Variants in MNAT1 observed in about 807,000 individuals in gnomAD.
The protein encoded by MNAT1 is MNAT1 component of CDK activating kinase.
In MNAT1, 43 loss-of-function variants were observed where a neutral mutation model predicts 42.0. The ratio of observed to expected loss-of-function variants is 1.02; its 90% CI spans 0.80 to 1.32. The LOEUF (loss-of-function observed/expected upper bound fraction) is 1.32, where lower values mean the gene tolerates loss of function less well. Among genes scored for constraint, MNAT1 ranks in the 40% most tolerant of loss-of-function variants. MNAT1 has a pLI of 0.00. For missense variants in MNAT1, 306 were observed against 350.4 expected, an observed-to-expected ratio of 0.87 and a Z score of 1.01; for synonymous variants, 118 against 120.0, an observed-to-expected ratio of 0.98 and a Z score of 0.11.
intron 6 of MNAT1, among the ~76,000 whole-genome samples, chr14:60,877,363 A>G (rs915726957): frequency 2.0e-5 from 3 of 152,072 alleles, no homozygotes; most frequent in African/African-American, 4.8e-5. Flanking sequence ...GCTACATACT[A>G]TTGAACTTGT....
chr14:60,744,034 G>T (rs1896545969), intron 1 of MNAT1, among the ~76,000 whole-genome samples: 1 of 151,598 alleles, frequency 6.6e-6, no homozygotes, highest in African/African-American at 2.4e-5. Context: ...TTAATTTTTT[G>T]AACATATTTT....
At chr14:60,800,377 A>G (rs1271219182) in intron 3 of MNAT1, among the ~76,000 whole-genome samples, 1 of 152,040 alleles carries the variant, frequency 6.6e-6, no homozygotes, top group Non-Finnish European at 1.5e-5. Flanking sequence ...AATGAGATCT[A>G]TACCAAAATT....
chr14:60,823,721 T>C (rs1055259979), intron 6 of MNAT1, among the ~76,000 whole-genome samples: 2 of 151,982 alleles, frequency 1.3e-5, no homozygotes, highest in African/African-American at 4.8e-5. Context: ...TAGCCAGGCT[T>C]GGTGGCAGGC....
intron 6 of MNAT1, among the ~76,000 whole-genome samples, chr14:60,861,889 C>G (rs1281921247): frequency 6.6e-6 from 1 of 152,170 alleles, no homozygotes; most frequent in Non-Finnish European, 1.5e-5. Flanking sequence ...TCCTCCCTCC[C>G]ACATGATATC....
chr14:60,867,876 G>A (rs1425300296), intron 6 of MNAT1, among the ~76,000 whole-genome samples: 1 of 151,934 alleles, frequency 6.6e-6, no homozygotes, highest in Non-Finnish European at 1.5e-5. Flanking sequence ...TCTTTTTACT[G>A]TTTACTTTAC....
At position 60,915,712 on chromosome 14, in the gene MNAT1, G is replaced by T. The variant is rs563296488; in HGVS notation, c.809+35877G>T. 2.0e-5 allele frequency among the ~76,000 whole-genome samples: 3 copies of T among 152,274 alleles called. No homozygotes were observed. The South Asian group carries it at 6.2e-4, about 32-fold the overall frequency. On this transcript the variant is annotated intron_variant, in intron 7 of 7. Transcript: ENST00000261245. ...CAGTGTAGCTGCTTTGCTAATTTGT[G>T]ATGGGTTTAGCATCAGATTTTTTGG... is the stretch of plus-strand genomic sequence containing the variant.
In MNAT1 at chr14:60,768,440, A is replaced by G. The variant is rs138306548; in HGVS notation, c.90-27777A>G. Among the ~76,000 whole-genome samples the G allele has an allele frequency of 7.9e-5, 12 of 152,326 alleles. No homozygotes were observed. In the East Asian group the frequency reaches 1.3e-3, roughly 17 times the overall value. ...GTTTTGGTTTTAAATGATATGTTCTACAGAAACACAAGGACAAATTACAAA... is the reference window on the plus strand; with the variant it reads ...GTTTTGGTTTTAAATGATATGTTCTGCAGAAACACAAGGACAAATTACAAA... On this transcript the variant is annotated intron_variant, in intron 1 of 7. Transcript: ENST00000261245.
At chr14:60,808,924 T>C (rs552337147) in intron 4 of MNAT1, 17 of 152,316 alleles carry the variant, frequency 1.1e-4, no homozygotes, top group African/African-American at 3.4e-4. Flanking sequence ...TTAACTTTGG[T>C]TTCTCAATTA....
At chr14:60,918,651 CT>C (rs1286920349) in intron 7 of MNAT1, among the ~76,000 whole-genome samples, 1 of 151,214 alleles carries the variant, frequency 6.6e-6, no homozygotes, top group East Asian at 2.0e-4. Flanking sequence ...GACACACGTA[CT>C]TTTAGCAAAA....
intron 6 of MNAT1, among the ~76,000 whole-genome samples, chr14:60,861,272 A>G (rs1439452923): frequency 2.0e-5 from 3 of 152,308 alleles, no homozygotes; most frequent in South Asian, 2.1e-4. Context: ...TAATAAATGT[A>G]AAAACGTTCA....
At chr14:60,894,037 G>A (rs1331018588) in intron 7 of MNAT1, among the ~76,000 whole-genome samples, 2 of 152,130 alleles carry the variant, frequency 1.3e-5, no homozygotes, top group Non-Finnish European at 2.9e-5. Context: ...CGCAACTGAA[G>A]TTTGTCTTGT....
At chr14:60,747,824 TA>T (rs1488432398) in intron 1 of MNAT1, among the ~76,000 whole-genome samples, 1 of 152,258 alleles carries the variant, frequency 6.6e-6, no homozygotes, top group Non-Finnish European at 1.5e-5. Flanking sequence ...ATACCTAGCT[TA>T]AAACACAAAT....
chr14:60,789,334 C>G (rs2031747348), intron 1 of MNAT1, among the ~76,000 whole-genome samples: 1 of 152,050 alleles, frequency 6.6e-6, no homozygotes, highest in South Asian at 2.1e-4. Context: ...TCACTGATCA[C>G]ATAACACCAT....
chr14:60,836,463 G>A (rs896115508), intron 6 of MNAT1, among the ~76,000 whole-genome samples: 2 of 152,174 alleles, frequency 1.3e-5, no homozygotes, highest in African/African-American at 4.8e-5. Context: ...ATTCTTTTCT[G>A]TTTGTTAATT....
intron 5 of MNAT1, among the ~76,000 whole-genome samples, chr14:60,815,419 C>A (rs1434989853): frequency 1.3e-5 from 2 of 152,046 alleles, no homozygotes; most frequent in East Asian, 3.9e-4. Flanking sequence ...GTTTCACCAT[C>A]TTGGCCAGGC....
At chr14:60,854,743 G>T (rs2033913245) in intron 6 of MNAT1, among the ~76,000 whole-genome samples, 1 of 152,228 alleles carries the variant, frequency 6.6e-6, no homozygotes, top group South Asian at 2.1e-4. Context: ...GTTGACCTCT[G>T]TTGGGAGGTG....
intron 6 of MNAT1, among the ~76,000 whole-genome samples, chr14:60,863,447 G>C (rs10142977): frequency 2.2e-4 from 34 of 152,204 alleles, no homozygotes; most frequent in African/African-American, 7.7e-4. Flanking sequence ...CAGCTGATTG[G>C]CAGTAGCATC....
At chr14:60,839,883 A>G (rs1164047681) in intron 6 of MNAT1, among the ~76,000 whole-genome samples, 1 of 152,210 alleles carries the variant, frequency 6.6e-6, no homozygotes, top group Non-Finnish European at 1.5e-5. Context: ...TGCACCCGTC[A>G]CTGCTCTGTG....
chr14:60,774,913 A>C (rs2031194711), intron 1 of MNAT1, among the ~76,000 whole-genome samples: 1 of 152,206 alleles, frequency 6.6e-6, no homozygotes, highest in South Asian at 2.1e-4. Context: ...GTCATTGTTT[A>C]GGAGTCAAAA....
Sources: gnomAD v4.1 joint callset for allele counts (sites outside exome capture counted in the v4.1 genomes callset) on GRCh38, gnomAD v4.1.1 for gene constraint, MANE v1.5 for transcripts, NCBI Gene and HGNC (gene_info 2026-07-23, HGNC 2026-07-21) for gene names.